The following MSX2 variants were observed in gnomAD, a reference collection of about 807,000 sequenced individuals.
MSX2 encodes homeobox protein MSX-2.
A neutral mutation model predicts 18.4 loss-of-function variants in MSX2; 10 were observed. The ratio of observed to expected loss-of-function variants is 0.54; its 90% CI spans 0.34 to 0.92. The LOEUF (loss-of-function observed/expected upper bound fraction) is 0.92, where lower values mean the gene tolerates loss of function less well. Ranked by LOEUF, MSX2 falls within the 40% of genes least tolerant of loss-of-function variation. The pLI, the probability that MSX2 is intolerant of heterozygous loss-of-function variation, is 0.02. For missense variants in MSX2, 339 were observed against 364.0 expected, an observed-to-expected ratio of 0.93 and a Z score of 0.56; for synonymous variants, 170 against 165.6, an observed-to-expected ratio of 1.03 and a Z score of -0.20.
chr5:174,726,912 T>A (rs1760813054), intron 1 of MSX2, among the ~76,000 whole-genome samples: 1 of 152,128 alleles, frequency 6.6e-6, no homozygotes, highest in Admixed American at 6.5e-5. Flanking sequence ...TCTAAACATC[T>A]CTGCCCTGTG....
chr5:174,728,842 AT>A (rs1384905404), intron 1 of MSX2, among the ~76,000 whole-genome samples: 1 of 152,118 alleles, frequency 6.6e-6, no homozygotes, highest in Non-Finnish European at 1.5e-5. Flanking sequence ...TAAAAAACTC[AT>A]TTTTAAAAAA....
At position 174,729,213 on chromosome 5, in the gene MSX2, C is replaced by T. The variant is rs754536048; in HGVS notation, c.434C>T (p.Pro145Leu). Residue 145 changes from proline to leucine, a missense_variant, in exon 2 of 2, where the codon CCG (proline) becomes CTG (leucine). This residue lies in a region of MSX2 where 128 missense variants were observed against 178.6 expected (regional missense o/e 0.72). Coordinates refer to ENST00000239243, the MANE Select transcript of MSX2 (RefSeq NM_002449.5). ...TLRKHKTNRKPRTPFTTSQLL... is the reference protein window; with the variant it reads ...TLRKHKTNRKLRTPFTTSQLL... ...AGGAAACACAAGACCAATCGGAAGCCGCGCACGCCCTTTACCACATCCCAG... is the reference window on the plus strand; with the variant it reads ...AGGAAACACAAGACCAATCGGAAGCTGCGCACGCCCTTTACCACATCCCAG... 6 of 1,614,124 alleles carry T rather than the reference C, an allele frequency of 3.7e-6. No individual in the cohort carries two copies. Among genetic ancestry groups the T allele is most frequent in the East Asian group, 2.2e-5 (1 of 44,870 alleles).
intron 1 of MSX2, among the ~76,000 whole-genome samples, chr5:174,725,813 A>G (rs1402442383): frequency 1.3e-5 from 2 of 152,124 alleles, no homozygotes; most frequent in Non-Finnish European, 2.9e-5. Flanking sequence ...TCACTAGCTC[A>G]CCAGATCGAG....
chr5:174,729,616 G>T lies in MSX2; in HGVS notation c.*33G>T. 1 of 1,598,110 alleles carries T rather than the reference G, an allele frequency of 6.3e-7. No homozygotes were observed. The highest frequency in any genetic ancestry group is 1.1e-5 in the South Asian group (1 of 90,952). Reference sequence around the variant, plus strand: ...CAGATCAATAGACTCCATGATGGATGCTTGTTTCAAAGGGTTTCCTCTCCC... The same window carrying T: ...CAGATCAATAGACTCCATGATGGATTCTTGTTTCAAAGGGTTTCCTCTCCC... On this transcript the variant is annotated 3_prime_UTR_variant, in exon 2 of 2. Coordinates refer to ENST00000239243, the MANE Select transcript of MSX2 (RefSeq NM_002449.5).
In MSX2 at chr5:174,725,002, T is replaced by C; in HGVS notation, c.343T>C (p.Trp115Arg). The change falls in exon 1 of 2, where the codon TGG (tryptophan) becomes CGG (arginine). Residue 115 changes from tryptophan to arginine, a missense_variant. By Grantham distance (101) the Trp-to-Arg change is moderately radical (BLOSUM62 -3). Coordinates refer to ENST00000239243, the MANE Select transcript of MSX2 (RefSeq NM_002449.5). ...GGAAAATTCAGAAGATGGAGCGGCG[T>C]GGATGCAGGAACCCGGCCGATATTC... is the stretch of plus-strand genomic sequence containing the variant. The part of the protein sequence containing the change: ...KSENSEDGAA[W>R]MQEPGRYSPP... 1 of 1,610,460 alleles carries C rather than the reference T, an allele frequency of 6.2e-7. No individual in the cohort carries two copies. The highest frequency in any genetic ancestry group is 1.1e-5 in the South Asian group (1 of 90,164).
chr5:174,726,724 G>A (rs951713100), intron 1 of MSX2, among the ~76,000 whole-genome samples: 6 of 151,988 alleles, frequency 3.9e-5, no homozygotes, highest in Admixed American at 3.3e-4. Flanking sequence ...CCACTTTATC[G>A]ACAGTGAGGT....
rs1760735216 is a variant in MSX2 at position 174,724,685 on chromosome 5, A to C, written c.26A>C (p.Asp9Ala). 2 of 1,593,344 alleles carry C rather than the reference A, an allele frequency of 1.3e-6. No individual in the cohort carries two copies. Among genetic ancestry groups the C allele is most frequent in the South Asian group, 2.3e-5 (2 of 88,260 alleles). ...ATGGCTTCTCCGTCCAAAGGCAATG[A>C]CTTGTTTTCGCCCGACGAGGAGGGC... MASPSKGN[D>A]LFSPDEEGPA... Residue 9 changes from aspartate (D) to alanine (A), a missense_variant, in exon 1 of 2, where the codon GAC (aspartate) becomes GCC (alanine). Asp to Ala is a moderately radical substitution (Grantham distance 126, BLOSUM62 -2). Transcript: ENST00000239243.
chr5:174,730,602 G>T lies in MSX2; in HGVS notation c.*1019G>T, dbSNP rs1207270854. 5.3e-5 allele frequency: 8 copies of T among 152,320 alleles called. No individual in the cohort carries two copies. Among genetic ancestry groups the T allele is most frequent in the African/African-American group, 1.9e-4 (8 of 41,340 alleles). 9.4% of individuals were successfully genotyped at this position (152,320 alleles called of 1,614,324 possible). A position where few individuals can be genotyped will look rare whatever the true frequency, so the allele number is the denominator to read the frequency against. ...AAAGAAAAAAAAATATGCTTTCTCT[G>T]TGTGTGTACCTGTTGTATGTCCTAA... On this transcript the variant is annotated 3_prime_UTR_variant, in exon 2 of 2. Coordinates refer to ENST00000239243, the MANE Select transcript of MSX2 (RefSeq NM_002449.5).
Position 174,727,201 on chromosome 5 carries a change from G to A in MSX2, c.380-1958G>A, listed in dbSNP as rs77556410. On this transcript the variant is annotated intron_variant, in intron 1 of 1. Transcript: ENST00000239243. ...TGGGGCGAGAGGGAGCTACCCGCCC[G>A]GGCCTGATTTTGTTATTTGGAGGAA... is the stretch of plus-strand genomic sequence containing the variant. Among the ~76,000 whole-genome samples, 668 of 152,268 alleles carry A rather than the reference G, an allele frequency of 4.4e-3. 6 individuals are homozygous for A. The highest frequency in any genetic ancestry group is 0.015 in the African/African-American group (617 of 41,530).
rs933767313 is a variant in MSX2, at chr5:174,724,817, T to C, written c.158T>C (p.Met53Thr). The stretch of plus-strand genomic sequence containing the variant: ...CTGCCCTTCAGCGTGGAGGCGCTCA[T>C]GTCCGACAAGAAGCCGCCCAAGGAG... The part of the protein sequence containing the change: ...SSLPFSVEAL[M>T]SDKKPPKEAS... Residue 53 changes from methionine to threonine, a missense_variant, in exon 1 of 2, where the codon ATG becomes ACG. Physicochemically the swap from Met to Thr is moderately conservative, Grantham distance 81. This residue lies in a region of MSX2 where 211 missense variants were observed against 185.4 expected (regional missense o/e 1.14). Transcript: ENST00000239243. 1 of 1,551,752 alleles carries C rather than the reference T, an allele frequency of 6.4e-7. No individual in the cohort carries two copies.
rs1581517557 is a variant in MSX2 at position 174,725,716 on chromosome 5, C to T, written c.379+678C>T. 3.3e-5 allele frequency among the ~76,000 whole-genome samples: 5 copies of T among 152,314 alleles called. 1 individual carries two copies. Among genetic ancestry groups the T allele is most frequent in the Admixed American group, 3.3e-4 (5 of 15,310 alleles). On this transcript the variant is annotated intron_variant, in intron 1 of 1. Coordinates refer to ENST00000239243, the MANE Select transcript of MSX2 (RefSeq NM_002449.5). ...GGTTCTGAGCTTCGCCGGGAGCGGG[C>T]TGGGGCCAGAAGCGCACGGGCTCTT...
At chr5:174,726,419 G>A (rs1453060608) in intron 1 of MSX2, among the ~76,000 whole-genome samples, 1 of 152,168 alleles carries the variant, frequency 6.6e-6, no homozygotes, top group Non-Finnish European at 1.5e-5. Flanking sequence ...AAGATTCAAA[G>A]GGCGAGGAGA....
intron 1 of MSX2, among the ~76,000 whole-genome samples, chr5:174,727,335 A>C (rs1367500250): frequency 1.3e-5 from 2 of 152,178 alleles, no homozygotes; most frequent in African/African-American, 4.8e-5. Context: ...GAAGCCTCAT[A>C]GCTTCATGGT....
At chr5:174,727,515 A>G (rs906469) in intron 1 of MSX2, among the ~76,000 whole-genome samples, 151,282 of 152,242 alleles carry the variant, frequency 0.99, 75,171 homozygotes, top group Middle Eastern at 1. Flanking sequence ...GAGACACCTG[A>G]GTCCTCCTGA....
intron 1 of MSX2, among the ~76,000 whole-genome samples, chr5:174,728,756 AT>A (rs1760855702): frequency 2.0e-5 from 3 of 152,062 alleles, no homozygotes; most frequent in African/African-American, 7.2e-5. Context: ...TAAATGTTCT[AT>A]TTCTGTTATC....
At position 174,729,527 on chromosome 5, in the gene MSX2, C is replaced by G. The variant is rs1422233314; in HGVS notation, c.748C>G (p.Pro250Ala). 1 of 1,613,754 alleles carries G rather than the reference C, an allele frequency of 6.2e-7. No homozygotes were observed. Among genetic ancestry groups the G allele is most frequent in the Non-Finnish European group, 8.5e-7 (1 of 1,179,878 alleles). ...GTTCCATAGACCTGTGCTTCCCATC[C>G]CGCCTGTGGGACTCTATGCCACGCC... ...YPFHRPVLPI[P>A]PVGLYATPVG... is the part of the protein sequence containing the mutation. The change falls in exon 2 of 2, where the codon CCG becomes GCG. Residue 250 changes from proline (P) to alanine (A), a missense_variant. By Grantham distance (27) the Pro-to-Ala change is conservative. This residue lies in a region of MSX2 where 128 missense variants were observed against 178.6 expected (regional missense o/e 0.72). Coordinates refer to ENST00000239243, the MANE Select transcript of MSX2 (RefSeq NM_002449.5).
intron 1 of MSX2, among the ~76,000 whole-genome samples, chr5:174,728,567 C>G (rs939334063): frequency 4.6e-5 from 7 of 152,228 alleles, no homozygotes; most frequent in African/African-American, 1.7e-4. Flanking sequence ...CCAAGGGAAA[C>G]AGCTAACCCG....
At chr5:174,729,137 C>G (rs201243558) in intron 1 of MSX2, 22 bp from the exon 2 acceptor site, 3 of 1,610,384 alleles carry the variant, frequency 1.9e-6, no homozygotes, top group Non-Finnish European at 2.5e-6. Context: ...TTTGCTAATC[C>G]GCTCCTCTCT....
At chr5:174,728,099 C>T (rs1255879924) in intron 1 of MSX2, among the ~76,000 whole-genome samples, 1 of 152,180 alleles carries the variant, frequency 6.6e-6, no homozygotes, top group African/African-American at 2.4e-5. Context: ...CCGTGATTTG[C>T]TGTAATTGAA....
Sources: gnomAD v4.1 joint callset for allele counts (sites outside exome capture counted in the v4.1 genomes callset) on GRCh38, gnomAD v4.1.1 for gene constraint, gnomAD v4.1.1 regional missense constraint, MANE v1.5 for transcripts, NCBI Gene and HGNC (gene_info 2026-07-23, HGNC 2026-07-21) for gene names.